Variants in SAXO4 observed in about 807,000 individuals in gnomAD.
SAXO4 encodes stabilizer of axonemal microtubules 4, also known as protein phosphatase 1 regulatory subunit 32.
chr11:61,481,949 T>C, the SAXO4 span: 8 of 1,445,260 alleles, frequency 5.5e-6, no homozygotes, highest in South Asian at 9.8e-5. Context: ...GAGCCTCTGC[T>C]AGGACATGGG....
the SAXO4 span, chr11:61,489,879 G>T: frequency 6.2e-7 from 1 of 1,613,958 alleles, no homozygotes; most frequent in East Asian, 2.2e-5. Context: ...CAGCCAGCCG[G>T]TCAGCTGCAT....
chr11:61,485,683 G>T, the SAXO4 span: 2 of 793,352 alleles, frequency 2.5e-6, no homozygotes, highest in Admixed American at 2.2e-5. Context: ...TCCTCATGGC[G>T]CAGGTCTCCA....
the SAXO4 span, chr11:61,486,609 G>C: frequency 3.1e-6 from 5 of 1,613,932 alleles, no homozygotes; most frequent in Admixed American, 8.3e-5. Flanking sequence ...CTGAACCCCA[G>C]AGTGAGTGGC....
the SAXO4 span, chr11:61,490,636 GTTATGGGCCAGCCCTGCCTC>G: frequency 4.7e-6 from 7 of 1,481,706 alleles, no homozygotes; most frequent in African/African-American, 9.7e-5. Context: ...GTGGGCAACC[GTTATGGGCCAGCCCTGCCTC>G]TCAAGCCCTG....
the SAXO4 span, chr11:61,486,033 C>G: frequency 1.2e-4 from 86 of 727,346 alleles, no homozygotes; most frequent in African/African-American, 1.4e-3. Context: ...GACGAAAGAG[C>G]TTAGGTGAAA....
At chr11:61,486,593 A>C in the SAXO4 span, 3 of 1,614,166 alleles carry the variant, frequency 1.9e-6, no homozygotes, top group East Asian at 4.5e-5. Context: ...AGGGAATGAA[A>C]GGATTCTGAA....
the SAXO4 span, among the ~76,000 whole-genome samples, chr11:61,488,366 G>A: frequency 1.4e-5 from 2 of 147,220 alleles, no homozygotes; most frequent in Non-Finnish European, 3.0e-5. Flanking sequence ...GTGCAGTGGT[G>A]CGATCTCGGC....
At chr11:61,489,153 G>A in the SAXO4 span, 1 of 155,290 alleles carries the variant, frequency 6.4e-6, no homozygotes, top group Non-Finnish European at 1.4e-5. Context: ...GTGGGGGAGG[G>A]GCAACGATGT....
the SAXO4 span, chr11:61,490,659 A>C: frequency 7.3e-7 from 1 of 1,360,852 alleles, no homozygotes; most frequent in Non-Finnish European, 1.0e-6. Flanking sequence ...CCTGCCTCTC[A>C]AGCCCTGGGT....
the SAXO4 span, chr11:61,485,345 G>A: frequency 2.5e-6 from 4 of 1,613,336 alleles, no homozygotes; most frequent in East Asian, 2.2e-5. Context: ...CAGGGCCCAC[G>A]CTTCATGACG....
the SAXO4 span, chr11:61,482,191 T>C: frequency 1.2e-6 from 1 of 856,470 alleles, no homozygotes; most frequent in Non-Finnish European, 1.9e-6. Flanking sequence ...CTCCTGCCCG[T>C]GGCTCTGAGC....
chr11:61,487,536 T>C, the SAXO4 span, among the ~76,000 whole-genome samples: 1 of 152,196 alleles, frequency 6.6e-6, no homozygotes, highest in East Asian at 1.9e-4. Context: ...AACTCAGAAC[T>C]ACCCCAGTCA....
the SAXO4 span, chr11:61,489,986 C>A: frequency 6.4e-7 from 1 of 1,567,510 alleles, no homozygotes; most frequent in Non-Finnish European, 8.7e-7. Context: ...CCCTACCCCT[C>A]ATCCAGGCCG....
the SAXO4 span, chr11:61,487,266 C>T: frequency 6.3e-7 from 1 of 1,584,492 alleles, no homozygotes; most frequent in Non-Finnish European, 8.7e-7. Flanking sequence ...TGGTCCAAAG[C>T]TGAAACCCAT....
the SAXO4 span, chr11:61,482,688 C>A: frequency 6.2e-7 from 1 of 1,614,084 alleles, no homozygotes; most frequent in Non-Finnish European, 8.5e-7. Context: ...AGTCTGTGGC[C>A]AGCCAGAGCT....
At chr11:61,490,720 AG>A in the SAXO4 span, 1 of 740,404 alleles carries the variant, frequency 1.4e-6, no homozygotes, top group Non-Finnish European at 2.3e-6. Flanking sequence ...GTGACAGATC[AG>A]GGGGCCTCTC....
chr11:61,482,895 G>A, the SAXO4 span: 2 of 1,400,640 alleles, frequency 1.4e-6, no homozygotes, highest in Non-Finnish European at 1.9e-6. Context: ...CAAGGTGGAG[G>A]TGACAGGGCA....
the SAXO4 span, chr11:61,481,836 C>T: frequency 1.1e-4 from 167 of 1,530,026 alleles, no homozygotes; most frequent in East Asian, 1.3e-3. Flanking sequence ...CCCTGGGGGT[C>T]GTCTCCCCTT....
the SAXO4 span, chr11:61,482,319 G>C: frequency 6.2e-7 from 1 of 1,614,156 alleles, no homozygotes; most frequent in Non-Finnish European, 8.5e-7. Flanking sequence ...AGGTCGGGAG[G>C]ATTTCAAGCC....
Sources: allele counts gnomAD v4.1 joint callset (sites outside exome capture counted in the v4.1 genomes callset), GRCh38; gene constraint gnomAD v4.1.1; transcripts MANE v1.5; gene names NCBI Gene and HGNC (gene_info 2026-07-23, HGNC 2026-07-21).